CORIN: variants seen among roughly 807,000 people sequenced by gnomAD.
The protein encoded by CORIN is atrial natriuretic peptide-converting enzyme.
Under a neutral mutation model 125.3 loss-of-function variants are expected in CORIN, and 117 were observed. The ratio of observed to expected loss-of-function variants is 0.93; its 90% CI spans 0.80 to 1.09. The LOEUF (loss-of-function observed/expected upper bound fraction) is 1.09. Ranked by LOEUF, CORIN falls within the 50% of genes least tolerant of loss-of-function variation. The pLI is 0.00. For missense variants in CORIN, 1,253 were observed against 1,306.7 expected, an observed-to-expected ratio of 0.96 and a Z score of 0.63; for synonymous variants, 450 against 466.4, an observed-to-expected ratio of 0.96 and a Z score of 0.45.
At chr4:47,643,593 TG>T (rs1402338092) in intron 14 of CORIN, among the ~76,000 whole-genome samples, 1 of 152,082 alleles carries the variant, frequency 6.6e-6, no homozygotes, top group East Asian at 1.9e-4. Flanking sequence ...GCATGAGGGA[TG>T]AACAGACTGA....
intron 12 of CORIN, among the ~76,000 whole-genome samples, chr4:47,654,466 C>T (rs1312628037): frequency 1.3e-5 from 2 of 152,152 alleles, no homozygotes; most frequent in Non-Finnish European, 2.9e-5. Context: ...CACCACCCCT[C>T]CCCCATTCCC....
At chr4:47,789,429 G>A (rs1051021416) in intron 2 of CORIN, among the ~76,000 whole-genome samples, 1 of 152,124 alleles carries the variant, frequency 6.6e-6, no homozygotes, top group Admixed American at 6.6e-5. Flanking sequence ...TTTTAAAAAG[G>A]CAGCTTCATT....
At chr4:47,762,446 TAA>T (rs907191873) in intron 4 of CORIN, among the ~76,000 whole-genome samples, 2 of 152,234 alleles carry the variant, frequency 1.3e-5, no homozygotes, top group African/African-American at 4.8e-5. Context: ...GAAATTTTTT[TAA>T]GTGTATACTT....
At chr4:47,771,636 C>G (rs1301843804) in intron 3 of CORIN, among the ~76,000 whole-genome samples, 3 of 152,162 alleles carry the variant, frequency 2.0e-5, no homozygotes, top group Non-Finnish European at 4.4e-5. Context: ...TTGTTTCCCT[C>G]TATGTGTCCA....
chr4:47,749,759 C>T (rs183510956), intron 4 of CORIN, among the ~76,000 whole-genome samples: 1 of 152,202 alleles, frequency 6.6e-6, no homozygotes, highest in African/African-American at 2.4e-5. Flanking sequence ...AAGACTCACA[C>T]AATCATCTTT....
chr4:47,790,588 T>C (rs1731034604), intron 2 of CORIN, among the ~76,000 whole-genome samples: 1 of 152,180 alleles, frequency 6.6e-6, no homozygotes, highest in Non-Finnish European at 1.5e-5. Context: ...CCTACAACAT[T>C]GGGATCAAAT....
chr4:47,609,663 C>T (rs1257374527), intron 19 of CORIN, among the ~76,000 whole-genome samples: 1 of 151,994 alleles, frequency 6.6e-6, no homozygotes, highest in African/African-American at 2.4e-5. Flanking sequence ...CATAGGTAAA[C>T]GTGTGCCGTG....
At chr4:47,683,010 T>G (rs73142063) in intron 7 of CORIN, 2 of 152,206 alleles carry the variant, frequency 1.3e-5, no homozygotes, top group African/African-American at 4.8e-5. Flanking sequence ...CATTGTCTGA[T>G]ATCATTTGTC....
chr4:47,775,360 T>C (rs562755700), intron 3 of CORIN, among the ~76,000 whole-genome samples: 142 of 152,180 alleles, frequency 9.3e-4, no homozygotes, highest in African/African-American at 3.1e-3. Flanking sequence ...TAATGCTATC[T>C]CTCCCCCCTC....
chr4:47,605,724 A>C (rs1381349484), intron 19 of CORIN, among the ~76,000 whole-genome samples: 1 of 152,162 alleles, frequency 6.6e-6, no homozygotes, highest in East Asian at 1.9e-4. Flanking sequence ...TCTGGGCGTC[A>C]CTTCTAAACA....
intron 5 of CORIN, among the ~76,000 whole-genome samples, chr4:47,701,235 A>G (rs745481300): frequency 5.3e-5 from 8 of 152,186 alleles, no homozygotes; most frequent in Non-Finnish European, 1.2e-4. Context: ...CTTTCATTCA[A>G]CGTCCCTTGG....
rs1721521855 is a variant in CORIN, at chr4:47,603,339, AC to A, written c.2812+57del. The A allele has an allele frequency of 3.9e-6, 6 of 1,523,524 alleles. No individual in the cohort carries two copies. In the South Asian group the frequency reaches 7.1e-5, roughly 18 times the overall value. 94.4% of individuals were successfully genotyped at this position (1,523,524 alleles called of 1,614,324 possible). A position where few individuals can be genotyped will look rare whatever the true frequency, so the allele number is the denominator to read the frequency against. ...ATTAAACTTCTTTCCTTTATAAATTACCCACTCTCAGGTATGTGCTTATAGC... is the reference window on the plus strand; with the variant it reads ...ATTAAACTTCTTTCCTTTATAAATTACCACTCTCAGGTATGTGCTTATAGC... On this transcript the variant is annotated intron_variant, in intron 20 of 21. Coordinates refer to ENST00000273857, the MANE Select transcript of CORIN (RefSeq NM_006587.4).
At chr4:47,649,712 G>A (rs1422337554) in intron 13 of CORIN, among the ~76,000 whole-genome samples, 1 of 152,182 alleles carries the variant, frequency 6.6e-6, no homozygotes, top group African/African-American at 2.4e-5. Flanking sequence ...GCCTTCCCAA[G>A]ACACCACAGA....
At chr4:47,681,367 T>C (rs1560503250) in intron 7 of CORIN, 2 of 152,256 alleles carry the variant, frequency 1.3e-5, no homozygotes, top group African/African-American at 4.8e-5. Flanking sequence ...GTGATAATTA[T>C]TGCTATTAGA....
At position 47,746,415 on chromosome 4, in the gene CORIN, G is replaced by A. The variant is rs575358385; in HGVS notation, c.618-1832C>T. 5.9e-5 allele frequency among the ~76,000 whole-genome samples: 9 copies of A among 152,324 alleles called. No homozygotes were observed. In the South Asian group the frequency reaches 1.9e-3, roughly 32 times the overall value. On this transcript the variant is annotated intron_variant, in intron 4 of 21. Coordinates refer to ENST00000273857, the MANE Select transcript of CORIN (RefSeq NM_006587.4). ...AATAAGACATTTGTCCAAGTTCACT[G>A]AGGCAATGAGAGTCAGAGCCGGGAT...
At chr4:47,826,839 G>A (rs1463086762) in intron 1 of CORIN, among the ~76,000 whole-genome samples, 22 of 151,976 alleles carry the variant, frequency 1.4e-4, no homozygotes, top group Admixed American at 1.4e-3. Flanking sequence ...ATAGACACTC[G>A]CTATGTGTTG....
intron 7 of CORIN, chr4:47,682,958 G>A (rs62299174): frequency 1.3e-5 from 2 of 152,126 alleles, no homozygotes; most frequent in Admixed American, 6.6e-5. Context: ...CCATACCGCT[G>A]ATCCTTCCCA....
At chr4:47,793,605 A>C (rs887994170) in intron 2 of CORIN, among the ~76,000 whole-genome samples, 1 of 152,216 alleles carries the variant, frequency 6.6e-6, no homozygotes, top group African/African-American at 2.4e-5. Flanking sequence ...GCTGGCACCA[A>C]CTAACAATGA....
chr4:47,752,785 CTT>C (rs33987275), intron 4 of CORIN, among the ~76,000 whole-genome samples: 6,772 of 152,244 alleles, frequency 0.044, 466 homozygotes, highest in African/African-American at 0.15. Context: ...AGTCCATACT[CTT>C]TTAACCAACA....
Sources: gnomAD v4.1 joint callset for allele counts (sites outside exome capture counted in the v4.1 genomes callset) on GRCh38, gnomAD v4.1.1 for gene constraint, MANE v1.5 for transcripts, NCBI Gene and HGNC (gene_info 2026-07-23, HGNC 2026-07-21) for gene names.